The following C5 variants were observed in gnomAD, a reference collection of about 807,000 sequenced individuals.
C5 encodes C3 and PZP-like alpha-2-macroglobulin domain-containing protein 4.
In C5, 140 loss-of-function variants were observed where a neutral mutation model predicts 218.8. The observed-to-expected ratio is 0.64, with a 90% CI of 0.56 to 0.74. The LOEUF (loss-of-function observed/expected upper bound fraction) is 0.74. Ranked by LOEUF, C5 falls within the 30% of genes least tolerant of loss-of-function variation. The probability of loss-of-function intolerance (pLI) is 0.00; values close to 1 mark genes in which losing one functional copy is unlikely to be tolerated. For synonymous variants in C5, 614 were observed against 682.3 expected, an observed-to-expected ratio of 0.90 and a Z score of 1.56; for missense variants, 1,700 against 1,969.6, an observed-to-expected ratio of 0.86 and a Z score of 2.59.
At chr9:121,015,081 A>ATATC (rs1428265632) in intron 16 of C5, 118 bp downstream of exon 16, 5 of 707,088 alleles carry the variant, frequency 7.1e-6, no homozygotes, top group Non-Finnish European at 9.9e-6. Flanking sequence ...ACCTCCATAC[A>ATATC]TATCTTTCTT....
chr9:120,961,699 G>T, intron 36 of C5, 134 bp from the exon 37 acceptor site: 1 of 703,050 alleles, frequency 1.4e-6, no homozygotes, highest in Non-Finnish European at 2.6e-6. Context: ...AAGGCCCAGG[G>T]AGGTAAAATT....
At chr9:121,053,597 T>C (rs910453795), upstream of C5, among the ~76,000 whole-genome samples, 1 of 152,084 alleles carries the variant, frequency 6.6e-6, no homozygotes, top group African/African-American at 2.4e-5. Context: ...TGCCTACTTT[T>C]ACCGTAATGA....
intron 20 of C5, among the ~76,000 whole-genome samples, chr9:121,002,840 C>G (rs892713245): frequency 1.3e-5 from 2 of 152,068 alleles, no homozygotes; most frequent in Non-Finnish European, 1.5e-5. Context: ...TTCTCCAACT[C>G]TTCACGTTGT....
At chr9:121,018,310 A>G (rs2047327063) in intron 12 of C5, among the ~76,000 whole-genome samples, 1 of 149,160 alleles carries the variant, frequency 6.7e-6, no homozygotes, top group Admixed American at 6.7e-5. Flanking sequence ...ACGGTGGCTC[A>G]CACCTGTAAT....
intron 27 of C5, 141 bp downstream of exon 27, chr9:120,981,703 T>C: frequency 1.5e-6 from 1 of 660,522 alleles, no homozygotes; most frequent in Admixed American, 2.4e-5. Flanking sequence ...AATCTTTCAA[T>C]TCTGGAGTTT....
chr9:120,988,547 G>T (rs2047051522), intron 25 of C5, among the ~76,000 whole-genome samples: 1 of 152,194 alleles, frequency 6.6e-6, no homozygotes, highest in African/African-American at 2.4e-5. Context: ...AGGCTAGTGG[G>T]GCTGAATTGG....
chr9:121,002,369 A>T (rs2131733060), intron 20 of C5, among the ~76,000 whole-genome samples: 1 of 143,626 alleles, frequency 7.0e-6, no homozygotes, highest in African/African-American at 2.5e-5. Context: ...AGCCGATTTT[A>T]TATGTCTAAG....
chr9:120,989,188 T>C, intron 24 of C5, 67 bp from the exon 25 acceptor site: 1 of 1,264,564 alleles, frequency 7.9e-7, no homozygotes, highest in Non-Finnish European at 1.2e-6. Flanking sequence ...GAACACTTTA[T>C]CAGGCCCTGA....
At chr9:120,971,587 G>A (rs985135172) in intron 31 of C5, among the ~76,000 whole-genome samples, 1 of 152,086 alleles carries the variant, frequency 6.6e-6, no homozygotes, top group African/African-American at 2.4e-5. Context: ...ACAGGCGCAC[G>A]CCACCATGCC....
intron 39 of C5, 24 bp downstream of exon 39, chr9:120,957,261 A>G (rs1308434751): frequency 2.3e-5 from 34 of 1,508,584 alleles, no homozygotes; most frequent in Non-Finnish European, 3.1e-5. Flanking sequence ...GAATGAAGGA[A>G]CGAATGAACG....
At chr9:120,991,134 AT>A (rs1564142425) in intron 23 of C5, 56 bp downstream of exon 23, 1 of 1,012,136 alleles carries the variant, frequency 9.9e-7, no homozygotes, top group Non-Finnish European at 1.6e-6. Flanking sequence ...AGGATATTTG[AT>A]TTTTGTTTGA....
chr9:121,066,521 T>C, the C5 span, among the ~76,000 whole-genome samples: 2 of 151,884 alleles, frequency 1.3e-5, no homozygotes, highest in South Asian at 4.1e-4. Context: ...ACTAAAAAGT[T>C]GCAACAGTCA....
At chr9:120,974,361 G>A (rs2046936566) in intron 30 of C5, among the ~76,000 whole-genome samples, 2 of 152,126 alleles carry the variant, frequency 1.3e-5, no homozygotes, top group Admixed American at 6.5e-5. Context: ...TCCCTCCTAC[G>A]CTCACTGTAC....
Position 120,982,938 on chromosome 9 carries a change from G to C in C5, c.3231-124C>G, listed in dbSNP as rs1478059981. The C allele has an allele frequency of 1.1e-5, 7 of 624,436 alleles. No individual in the cohort carries two copies. The South Asian group carries it at 1.5e-4, about 13-fold the overall frequency. 38.7% of individuals were successfully genotyped at this position (624,436 alleles called of 1,614,324 possible). A position where few individuals can be genotyped will look rare whatever the true frequency, so the allele number is the denominator to read the frequency against. On this transcript the variant is annotated intron_variant, in intron 25 of 40. Coordinates refer to ENST00000223642, the MANE Select transcript of C5 (RefSeq NM_001735.3). ...TTTAAAACATGCAATTCCAAAGTAA[G>C]TCATCATTTTACAAAGGAAGGGAAG...
At chr9:120,983,141 T>C (rs936145054) in intron 25 of C5, among the ~76,000 whole-genome samples, 16 of 152,222 alleles carry the variant, frequency 1.1e-4, no homozygotes, top group Non-Finnish European at 4.4e-5. Flanking sequence ...CATTGACCTA[T>C]GAACATGAGA....
rs1318548671 is a variant in C5, at chr9:120,977,032, C to T, written c.3659-127G>A. The T allele has an allele frequency of 5.1e-6, 4 of 784,302 alleles. No individual in the cohort carries two copies. In the African/African-American group the frequency reaches 6.9e-5, roughly 14 times the overall value. 48.6% of individuals were successfully genotyped at this position (784,302 alleles called of 1,614,324 possible). A position where few individuals can be genotyped will look rare whatever the true frequency, so the allele number is the denominator to read the frequency against. On this transcript the variant is annotated intron_variant, in intron 28 of 40. Transcript: ENST00000223642. ...TTACTTTTTCTTGTTAGAGGAACTTCCTGAAGATGACCAATGCAAAACGAG... is the reference window on the plus strand; with the variant it reads ...TTACTTTTTCTTGTTAGAGGAACTTTCTGAAGATGACCAATGCAAAACGAG...
At chr9:121,013,699 T>G (rs147117992) in intron 17 of C5, among the ~76,000 whole-genome samples, 174 bp downstream of exon 17, 1 of 152,246 alleles carries the variant, frequency 6.6e-6, no homozygotes, top group East Asian at 1.9e-4. Flanking sequence ...TGCTCTGTAC[T>G]GTACCTCTTC....
intron 22 of C5, among the ~76,000 whole-genome samples, chr9:120,993,563 C>T (rs1366554837): frequency 6.6e-6 from 1 of 152,166 alleles, no homozygotes; most frequent in African/African-American, 2.4e-5. Context: ...GCTGGGACTA[C>T]AGGTGCCCAC....
At chr9:120,986,993 T>C (rs1159778896) in intron 25 of C5, among the ~76,000 whole-genome samples, 1 of 151,948 alleles carries the variant, frequency 6.6e-6, no homozygotes, top group Non-Finnish European at 1.5e-5. Flanking sequence ...TGATCAGAGG[T>C]AAAGCCAAAA....
Sources: gnomAD v4.1 joint callset for allele counts (sites outside exome capture counted in the v4.1 genomes callset) on GRCh38, gnomAD v4.1.1 for gene constraint, MANE v1.5 for transcripts, NCBI Gene and HGNC (gene_info 2026-07-23, HGNC 2026-07-21) for gene names.